CAMK2A: variants seen among roughly 807,000 people sequenced by gnomAD.
The protein encoded by CAMK2A is calcium/calmodulin-dependent protein kinase type II subunit alpha.
CAMK2A carries 7 observed loss-of-function variants against 79.2 expected under a neutral mutation model. That is an observed-to-expected ratio of 0.09 (90% CI 0.05 to 0.17). CAMK2A has a LOEUF of 0.17. Ranked by LOEUF, CAMK2A falls within the 10% of genes least tolerant of loss-of-function variation. CAMK2A has a pLI of 1.00. For synonymous variants in CAMK2A, 242 were observed against 251.7 expected (o/e 0.96, Z 0.36); for missense variants, 214 against 646.4 (o/e 0.33, Z 7.25).
intron 3 of CAMK2A, among the ~76,000 whole-genome samples, chr5:150,263,509 AC>A (rs908202154): frequency 4.6e-5 from 7 of 151,254 alleles, no homozygotes; most frequent in African/African-American, 1.7e-4. Flanking sequence ...TCACATACAC[AC>A]ATTCACACAC....
intron 12 of CAMK2A, among the ~76,000 whole-genome samples, chr5:150,246,893 G>T (rs936590928): frequency 2.6e-5 from 4 of 152,180 alleles, no homozygotes; most frequent in East Asian, 3.9e-4. Flanking sequence ...CAGCTTTCTC[G>T]GCTGGCCCCA....
In CAMK2A at chr5:150,251,983, A is replaced by G; in HGVS notation, c.597T>C (p.Cys199=). ...PYGKPVDLWA[C]GVILYILLVG... ...AAAAGGGCCTTAGGATGAACTCACC[A>G]CAAGCCCACAGGTCCACAGGCTTCC... The change falls in exon 8 of 19, where the codon TGT becomes TGC. Residue 199 remains cysteine, a splice_region_variant and synonymous_variant. Coordinates refer to ENST00000671881, the MANE Select transcript of CAMK2A (RefSeq NM_015981.4). The G allele has an allele frequency of 6.2e-7, 1 of 1,613,604 alleles. No individual in the cohort carries two copies. The highest frequency in any genetic ancestry group is 8.5e-7 in the Non-Finnish European group (1 of 1,179,564).
intron 1 of CAMK2A, among the ~76,000 whole-genome samples, chr5:150,285,061 A>T (rs1377035790): frequency 6.6e-6 from 1 of 152,174 alleles, no homozygotes; most frequent in African/African-American, 2.4e-5. Flanking sequence ...TCATGATTGG[A>T]AAATCAGCAA....
At chr5:150,249,948 C>T (rs1755757003) in intron 11 of CAMK2A, among the ~76,000 whole-genome samples, 1 of 152,212 alleles carries the variant, frequency 6.6e-6, no homozygotes. Context: ...CATTGTCCTG[C>T]TGCATTCTGC....
At position 150,225,075 on chromosome 5, in the gene CAMK2A, AGTG is replaced by A. The variant is rs1418079884; in HGVS notation, c.1238-1861_1238-1859del. Among the ~76,000 whole-genome samples, 6 of 139,836 alleles carry A rather than the reference AGTG, an allele frequency of 4.3e-5. No individual in the cohort carries two copies. In the South Asian group the frequency reaches 6.8e-4, roughly 16 times the overall value. The allele number at this position is 139,836 out of a possible 152,430, so 91.7% of individuals were successfully genotyped here. On this transcript the variant is annotated intron_variant, in intron 17 of 18. Transcript: ENST00000671881. ...GAGAGAGAGAGAGAGAGAGAGAGAA[AGTG>A]AGAGAGAGAGAGAGAGACAATGGAT...
chr5:150,247,986 G>A (rs1755649031), intron 11 of CAMK2A, among the ~76,000 whole-genome samples, 172 bp from the exon 12 acceptor site: 1 of 152,108 alleles, frequency 6.6e-6, no homozygotes, highest in Admixed American at 6.5e-5. Flanking sequence ...CCAGCCCAGA[G>A]CCCATCCCTC....
At position 150,284,568 on chromosome 5, in the gene CAMK2A, G is replaced by A. The variant is rs933323582; in HGVS notation, c.62+4996C>T. 3.3e-5 allele frequency among the ~76,000 whole-genome samples: 5 copies of A among 152,164 alleles called. No individual in the cohort carries two copies. The highest frequency in any genetic ancestry group is 9.7e-5 in the African/African-American group (4 of 41,430). On this transcript the variant is annotated intron_variant, in intron 1 of 18. Coordinates refer to ENST00000671881, the MANE Select transcript of CAMK2A (RefSeq NM_015981.4). This position sits in a 1 kb window ranked among gnomAD's most constrained non-coding sequence, Gnocchi z 5.3. ...GCCTGTGTGGGGGCGGCTGCGCGGG[G>A]GCGGAGGGCTGCAGCGTGCACCAGA...
At chr5:150,253,666 C>T (rs949028645) in intron 6 of CAMK2A, 120 bp from the exon 7 acceptor site, 11 of 798,952 alleles carry the variant, frequency 1.4e-5, no homozygotes, top group African/African-American at 1.2e-4. Context: ...CCCTCCGGGG[C>T]CCCTGCTTTC....
intron 1 of CAMK2A, among the ~76,000 whole-genome samples, chr5:150,278,751 T>G (rs1482956271): frequency 6.6e-6 from 1 of 151,830 alleles, no homozygotes; most frequent in Non-Finnish European, 1.5e-5. Context: ...GTGGGGGAAG[T>G]GTTCCTGGGT....
intron 15 of CAMK2A, among the ~76,000 whole-genome samples, chr5:150,235,626 G>A (rs539553282): frequency 1.3e-5 from 2 of 152,322 alleles, no homozygotes; most frequent in African/African-American, 4.8e-5. Flanking sequence ...ATGGGGGAGT[G>A]GGAAGGAAGC....
intron 2 of CAMK2A, among the ~76,000 whole-genome samples, chr5:150,266,938 C>T (rs552176925): frequency 6.6e-6 from 1 of 152,272 alleles, no homozygotes; most frequent in South Asian, 2.1e-4. Flanking sequence ...TCCCCTGCCC[C>T]CTTCACTAGA....
chr5:150,269,500 C>T (rs908445889), intron 2 of CAMK2A, among the ~76,000 whole-genome samples: 3 of 151,968 alleles, frequency 2.0e-5, no homozygotes, highest in Non-Finnish European at 4.4e-5. Context: ...TACAGGCACC[C>T]GCCACTACGC....
At chr5:150,243,268 G>T (rs894427536) in intron 13 of CAMK2A, among the ~76,000 whole-genome samples, 3 of 152,114 alleles carry the variant, frequency 2.0e-5, no homozygotes, top group Non-Finnish European at 4.4e-5. Flanking sequence ...AGTTACCTGG[G>T]CCACAACCCA....
Position 150,245,146 on chromosome 5 carries a change from C to A in CAMK2A, c.984+15G>T, listed in dbSNP as rs774900429. 2 of 1,613,256 alleles carry A rather than the reference C, an allele frequency of 1.2e-6. No individual in the cohort carries two copies. The highest frequency in any genetic ancestry group is 1.7e-6 in the Non-Finnish European group (2 of 1,179,612). On this transcript the variant is annotated intron_variant, in intron 13 of 18. Coordinates refer to ENST00000671881, the MANE Select transcript of CAMK2A (RefSeq NM_015981.4). ...TGCCAGAGCCAAGCCCTGCCAGGCTCCTGGAGGGGCTTACCTTCACACCAT... is the reference window on the plus strand; with the variant it reads ...TGCCAGAGCCAAGCCCTGCCAGGCTACTGGAGGGGCTTACCTTCACACCAT...
chr5:150,254,840 T>C (rs1196726887), intron 6 of CAMK2A, among the ~76,000 whole-genome samples: 2 of 152,240 alleles, frequency 1.3e-5, no homozygotes, highest in Non-Finnish European at 2.9e-5. Context: ...AGCACTTCGC[T>C]GTGGCCTACA....
chr5:150,287,711 A>G (rs1020489531), intron 1 of CAMK2A, among the ~76,000 whole-genome samples: 1 of 152,054 alleles, frequency 6.6e-6, no homozygotes, highest in African/African-American at 2.4e-5. Flanking sequence ...CTAATCAGGG[A>G]ATTCTTGGGT....
At chr5:150,268,489 A>G (rs2150298062) in intron 2 of CAMK2A, among the ~76,000 whole-genome samples, 1 of 152,296 alleles carries the variant, frequency 6.6e-6, no homozygotes, top group Non-Finnish European at 1.5e-5. Context: ...CCCTCCTGCC[A>G]CATCACGTCC....
rs2241695 is a variant in CAMK2A, at chr5:150,223,261, C to A, written c.1238-44G>T. The A allele has an allele frequency of 4.7e-6, 7 of 1,478,760 alleles. No homozygotes were observed. Among genetic ancestry groups the A allele is most frequent in the Non-Finnish European group, 6.6e-6 (7 of 1,067,326 alleles). 91.6% of individuals were successfully genotyped at this position (1,478,760 alleles called of 1,614,324 possible). On this transcript the variant is annotated intron_variant, in intron 17 of 18. Coordinates refer to ENST00000671881, the MANE Select transcript of CAMK2A (RefSeq NM_015981.4). This position sits in a 1 kb window ranked among gnomAD's most constrained non-coding sequence, Gnocchi z 4.1. The stretch of plus-strand genomic sequence containing the variant: ...GGGGCAGAGGAGATGCAACCGGGGG[C>A]CTCCTGTCTCACTTTCTTCACTTTC...
chr5:150,236,639 G>A (rs765955559), intron 15 of CAMK2A, among the ~76,000 whole-genome samples: 5 of 152,298 alleles, frequency 3.3e-5, no homozygotes, highest in East Asian at 1.9e-4. Context: ...AGGATTATGT[G>A]GCTATATCTA....
Sources: allele counts gnomAD v4.1 joint callset (sites outside exome capture counted in the v4.1 genomes callset), GRCh38; gene constraint gnomAD v4.1.1; non-coding constraint Gnocchi (gnomAD v3.1); transcripts MANE v1.5; gene names NCBI Gene and HGNC (gene_info 2026-07-23, HGNC 2026-07-21).